The following PUM1 variants were observed in gnomAD, a reference collection of about 807,000 sequenced individuals.
PUM1 encodes pumilio RNA binding family member 1, also known as pumilio homolog 1.
A neutral mutation model predicts 131.8 loss-of-function variants in PUM1; 13 were observed. The ratio of observed to expected loss-of-function variants is 0.10; its 90% confidence interval spans 0.06 to 0.16. The LOEUF (loss-of-function observed/expected upper bound fraction) is 0.16. Among genes scored for constraint, PUM1 ranks in the 10% least tolerant of loss-of-function variants. PUM1 has a pLI of 1.00. For synonymous variants in PUM1, 509 were observed against 556.5 expected, an observed-to-expected ratio of 0.91 and a Z score of 1.20; for missense variants, 961 against 1,512.4, an observed-to-expected ratio of 0.64 and a Z score of 6.05.
At chr1:30,972,939 G>GCAC (rs1640981593) in intron 10 of PUM1, 1 of 152,910 alleles carries the variant, frequency 6.5e-6, no homozygotes, top group Non-Finnish European at 1.5e-5. Context: ...AATTAGCCAG[G>GCAC]CGTGGTGGTG....
rs374702420 is a variant in PUM1, at chr1:30,945,313, T to A, written c.2994+33A>T. On this transcript the variant is annotated intron_variant, in intron 18 of 21. Coordinates refer to ENST00000426105, the MANE Select transcript of PUM1 (RefSeq NM_001020658.2). ...TTTTCTGCTCACAAAGGAAATAAAT[T>A]TGTTTCCATTATTTCTCTCCTGGGT... is the stretch of plus-strand genomic sequence containing the variant. The A allele has an allele frequency of 2.4e-5, 38 of 1,608,196 alleles. 1 individual carries two copies. In the Middle Eastern group the frequency reaches 5.0e-4, roughly 21 times the overall value.
In PUM1 at chr1:30,953,908, G is replaced by A. The variant is rs2124417260; in HGVS notation, c.2397C>T (p.Ser799=). 1 of 1,614,232 alleles carries A rather than the reference G, an allele frequency of 6.2e-7. No individual in the cohort carries two copies. The highest frequency in any genetic ancestry group is 1.6e-4 in the Middle Eastern group (1 of 6,062). Residue 799 remains serine (S), a synonymous_variant, in exon 15 of 22, where the codon AGC becomes AGT. Coordinates refer to ENST00000426105, the MANE Select transcript of PUM1 (RefSeq NM_001020658.2). ...PGAEAKYRSA[S]SASSLFSPSS... is the part of the protein sequence containing the mutation. The stretch of plus-strand genomic sequence containing the variant: ...TCGGGCTGAAGAGGCTGGAGGCGCT[G>A]CTTGCACTGCGGTACTTGGCTTCAG...
chr1:31,020,476 C>T (rs149666992), intron 3 of PUM1, among the ~76,000 whole-genome samples: 63 of 152,290 alleles, frequency 4.1e-4, no homozygotes, highest in Admixed American at 1.7e-3. Flanking sequence ...TATTACAGTA[C>T]TTGTGAGCCC....
intron 7 of PUM1, among the ~76,000 whole-genome samples, chr1:30,990,207 C>T (rs2124482831): frequency 6.6e-6 from 1 of 152,264 alleles, no homozygotes; most frequent in East Asian, 1.9e-4. Context: ...GGGAAAGTCC[C>T]CTGAAACCTT....
intron 5 of PUM1, among the ~76,000 whole-genome samples, chr1:31,000,880 T>C (rs1429292139): frequency 6.6e-6 from 1 of 152,196 alleles, no homozygotes; most frequent in Non-Finnish European, 1.5e-5. Flanking sequence ...AATTTAAAAT[T>C]TCAAATATAA....
chr1:31,013,046 A>G (rs1319214538), intron 3 of PUM1, among the ~76,000 whole-genome samples: 1 of 152,236 alleles, frequency 6.6e-6, no homozygotes, highest in Non-Finnish European at 1.5e-5. Flanking sequence ...ATCCTTCTTT[A>G]AAAGAGCAAA....
At chr1:31,063,747 T>C (rs1264707026) in intron 1 of PUM1, among the ~76,000 whole-genome samples, 1 of 152,176 alleles carries the variant, frequency 6.6e-6, no homozygotes, top group Non-Finnish European at 1.5e-5. Flanking sequence ...TATAAAAATG[T>C]TCAAACGAAA....
chr1:30,969,635 C>T (rs956657337), intron 10 of PUM1, among the ~76,000 whole-genome samples: 1 of 151,892 alleles, frequency 6.6e-6, no homozygotes, highest in Non-Finnish European at 1.5e-5. Flanking sequence ...GATAAAGGAT[C>T]TACTTTTTTT....
chr1:30,990,199 GA>G lies in PUM1; in HGVS notation c.1158+2190del, dbSNP rs1234665784. On this transcript the variant is annotated intron_variant, in intron 7 of 21. Coordinates refer to ENST00000426105, the MANE Select transcript of PUM1 (RefSeq NM_001020658.2). ...CTGAGATATTATAATAGGGATGGGG[GA>G]AAGTCCCCTGAAACCTTGTTCTGCT... Among the ~76,000 whole-genome samples, 5 of 152,326 alleles carry G rather than the reference GA, an allele frequency of 3.3e-5. No homozygotes were observed. In the East Asian group the frequency reaches 9.6e-4, roughly 29 times the overall value.
intron 10 of PUM1, among the ~76,000 whole-genome samples, chr1:30,968,872 T>C (rs1640739370): frequency 6.6e-6 from 1 of 152,140 alleles, no homozygotes; most frequent in African/African-American, 2.4e-5. Context: ...ATGTGGCAAA[T>C]GGGCAAGTGA....
At chr1:30,969,316 C>CAAAAAAAAAAAAAAAA (rs763999971) in intron 10 of PUM1, among the ~76,000 whole-genome samples, 11 of 51,178 alleles carry the variant, frequency 2.1e-4, no homozygotes, top group Admixed American at 6.3e-4. Context: ...AACACACACA[C>CAAAAAAAAAAAAAAAA]AAAAAAAAAA....
intron 3 of PUM1, among the ~76,000 whole-genome samples, chr1:31,022,593 C>A (rs1643069040): frequency 6.6e-6 from 1 of 152,186 alleles, no homozygotes; most frequent in Admixed American, 6.5e-5. Flanking sequence ...TTAGAAAACA[C>A]CTTCTCCTAT....
intron 2 of PUM1, among the ~76,000 whole-genome samples, chr1:31,049,733 A>G (rs1644061537): frequency 6.6e-6 from 1 of 151,846 alleles, no homozygotes; most frequent in Admixed American, 6.6e-5. Context: ...AGGTAAAGAT[A>G]CATCATAAAT....
intron 11 of PUM1, 150 bp downstream of exon 11, chr1:30,968,203 TA>T: frequency 9.7e-7 from 1 of 1,028,454 alleles, no homozygotes; most frequent in Non-Finnish European, 1.5e-6. Context: ...AACTATAGTC[TA>T]AGTGAGGGCA....
intron 2 of PUM1, among the ~76,000 whole-genome samples, chr1:31,048,381 G>GT (rs1364502783): frequency 6.6e-6 from 1 of 151,576 alleles, no homozygotes; most frequent in Non-Finnish European, 1.5e-5. Context: ...TTTCCTCTAA[G>GT]TAAGAATCTC....
At position 30,992,532 on chromosome 1, in the gene PUM1, T is replaced by C. The variant is rs893382868; in HGVS notation, c.1016A>G (p.Asn339Ser). Residue 339 changes from asparagine (N) to serine (S), a missense_variant, in exon 7 of 22, where the codon AAC becomes AGC. By Grantham distance (46) the Asn-to-Ser change is conservative. Coordinates refer to ENST00000426105, the MANE Select transcript of PUM1 (RefSeq NM_001020658.2). ...CAAGGGGACACTCTGGGACTCCATGTTGGAGAAATCCTCCACAGGCTTGGC... is the reference window on the plus strand; with the variant it reads ...CAAGGGGACACTCTGGGACTCCATGCTGGAGAAATCCTCCACAGGCTTGGC... ...NGAKPVEDFS[N>S]MESQSVPLDP... 6.2e-7 allele frequency: 1 copy of C among 1,614,214 alleles called. No homozygotes were observed. Among genetic ancestry groups the C allele is most frequent in the African/African-American group, 1.3e-5 (1 of 75,060 alleles).
chr1:30,962,620 C>T (rs977589762), intron 14 of PUM1, among the ~76,000 whole-genome samples: 5 of 152,094 alleles, frequency 3.3e-5, no homozygotes, highest in Non-Finnish European at 7.4e-5. Flanking sequence ...CTATGTTGGC[C>T]AGACTGGTCT....
At chr1:31,052,559 G>A (rs1166093784) in intron 2 of PUM1, among the ~76,000 whole-genome samples, 2 of 151,812 alleles carry the variant, frequency 1.3e-5, no homozygotes, top group African/African-American at 2.4e-5. Flanking sequence ...TAGATACAGT[G>A]TCTCACTATA....
At position 31,059,332 on chromosome 1, in the gene PUM1, C is replaced by T; in HGVS notation, c.235G>A (p.Ala79Thr). Residue 79 changes from alanine (A) to threonine (T), a missense_variant, in exon 2 of 22, where the codon GCT (alanine) becomes ACT (threonine). This residue lies in a region of PUM1 where 654 missense variants were observed against 923.9 expected (regional missense o/e 0.71). Transcript: ENST00000426105. ...CTCTGAAAGAAGTAGTCCACCATAG[C>T]GTCGTCCTGGGAACGGCCTGCAACT... is the stretch of plus-strand genomic sequence containing the variant. ...IGVAGRSQDDAMVDYFFQRQH... is the reference protein window; with the variant it reads ...IGVAGRSQDDTMVDYFFQRQH... The T allele has an allele frequency of 6.2e-7, 1 of 1,614,198 alleles. No homozygotes were observed. The highest frequency in any genetic ancestry group is 8.5e-7 in the Non-Finnish European group (1 of 1,180,036).
Sources: gnomAD v4.1 joint callset for allele counts (sites outside exome capture counted in the v4.1 genomes callset) on GRCh38, gnomAD v4.1.1 for gene constraint, gnomAD v4.1.1 regional missense constraint, MANE v1.5 for transcripts, NCBI Gene and HGNC (gene_info 2026-07-23, HGNC 2026-07-21) for gene names.